Variants in QSOX2 observed in about 807,000 individuals in gnomAD.
QSOX2 encodes the protein quiescin sulfhydryl oxidase 2.
In QSOX2, 46 loss-of-function variants were observed where a neutral mutation model predicts 61.7. The observed-to-expected ratio is 0.75, with a 90% CI of 0.59 to 0.95. The LOEUF (loss-of-function observed/expected upper bound fraction) is 0.95. Ranked by LOEUF, QSOX2 falls within the 40% of genes least tolerant of loss-of-function variation. The pLI is 0.00. For synonymous variants in QSOX2, 383 were observed against 388.4 expected, an observed-to-expected ratio of 0.99 and a Z score of 0.16; for missense variants, 879 against 918.9, an observed-to-expected ratio of 0.96 and a Z score of 0.56.
rs948803685 is a variant in QSOX2 at position 136,222,986 on chromosome 9, G to T, written c.675+777C>A. On this transcript the variant is annotated intron_variant, in intron 5 of 11. Coordinates refer to ENST00000358701, the MANE Select transcript of QSOX2 (RefSeq NM_181701.4). This position sits in a 1 kb window ranked among gnomAD's most constrained non-coding sequence, Gnocchi z 6.9. The stretch of plus-strand genomic sequence containing the variant: ...TCAAACCTGGAGGGGGCGGTGCTGG[G>T]GTGCCAGGAGGGCAGCCAGGGCACA... 6.6e-6 allele frequency among the ~76,000 whole-genome samples: 1 copy of T among 152,238 alleles called. No homozygotes were observed. The highest frequency in any genetic ancestry group is 1.5e-5 in the Non-Finnish European group (1 of 68,038).
chr9:136,224,712 C>G, intron 3 of QSOX2, 149 bp downstream of exon 3: 1 of 503,462 alleles, frequency 2.0e-6, no homozygotes, highest in Middle Eastern at 3.1e-4. Context: ...CTATTAATAT[C>G]TGAACTCTTA....
At position 136,218,760 on chromosome 9, in the gene QSOX2, C is replaced by T. The variant is rs1831945027; in HGVS notation, c.1005G>A (p.Leu335=). 1 of 1,613,552 alleles carries T rather than the reference C, an allele frequency of 6.2e-7. No individual in the cohort carries two copies. The highest frequency in any genetic ancestry group is 1.7e-5 in the Admixed American group (1 of 60,006). ...VDLESGLHYL[L]RVELAAHKSL... ...ACTTGTGGGCTGCCAGCTCCACCCG[C>T]AGGAGGTAGTGTAGCCCTGACTCCA... The change falls in exon 8 of 12, where the codon CTG becomes CTA. Residue 335 remains leucine (L), a synonymous_variant. Coordinates refer to ENST00000358701, the MANE Select transcript of QSOX2 (RefSeq NM_181701.4).
chr9:136,238,342 C>A (rs992736316), intron 1 of QSOX2, among the ~76,000 whole-genome samples: 1 of 152,250 alleles, frequency 6.6e-6, no homozygotes, highest in African/African-American at 2.4e-5. Context: ...CACCTCCCTG[C>A]ACCCTCTCAT....
rs904827650 is a variant in QSOX2, at chr9:136,239,657, G to A, written c.328+5819C>T. Among the ~76,000 whole-genome samples the A allele has an allele frequency of 1.5e-4, 23 of 152,362 alleles. No homozygotes were observed. In the South Asian group the frequency reaches 2.7e-3, roughly 18 times the overall value. On this transcript the variant is annotated intron_variant, in intron 1 of 11. Transcript: ENST00000358701. ...CACCAGTCCGCAGGGGCAGCACCTC[G>A]ACCTGCCTCAGTAGAGCTACGCTCC... is the stretch of plus-strand genomic sequence containing the variant.
intron 1 of QSOX2, among the ~76,000 whole-genome samples, chr9:136,228,637 G>A (rs962445256): frequency 6.6e-6 from 1 of 152,170 alleles, no homozygotes; most frequent in Non-Finnish European, 1.5e-5. Context: ...AGGGCACGCC[G>A]CACCGTGGGA....
In QSOX2 at chr9:136,218,024, T is replaced by G. The variant is rs116698409; in HGVS notation, c.1086+655A>C. On this transcript the variant is annotated intron_variant, in intron 8 of 11. Coordinates refer to ENST00000358701, the MANE Select transcript of QSOX2 (RefSeq NM_181701.4). ...CTTATTTTTGGCAAGATAAATATTT[T>G]AAGCCTAAGCCTTCTTGTCATTTAG... is the stretch of plus-strand genomic sequence containing the variant. Among the ~76,000 whole-genome samples, 1,133 of 152,374 alleles carry G rather than the reference T, an allele frequency of 7.4e-3. 19 individuals are homozygous for G. Among genetic ancestry groups the G allele is most frequent in the African/African-American group, 0.026 (1,072 of 41,590 alleles).
rs1040698169 is a variant in QSOX2 at position 136,221,393 on chromosome 9, A to C, written c.821+403T>G. Among the ~76,000 whole-genome samples, 5 of 152,214 alleles carry C rather than the reference A, an allele frequency of 3.3e-5. No individual in the cohort carries two copies. The highest frequency in any genetic ancestry group is 7.2e-5 in the African/African-American group (3 of 41,460). On this transcript the variant is annotated intron_variant, in intron 6 of 11. Transcript: ENST00000358701. The surrounding 1 kb of genome is among the most constrained non-coding windows in gnomAD (Gnocchi z 4.5). ...TACTTCTCATTCTGCAGAGGTGGGCACGTGGGCTTGTCTGCCAGCCCCAGA... is the reference window on the plus strand; with the variant it reads ...TACTTCTCATTCTGCAGAGGTGGGCCCGTGGGCTTGTCTGCCAGCCCCAGA...
chr9:136,217,230 G>C (rs1199092099), intron 8 of QSOX2, among the ~76,000 whole-genome samples: 1 of 152,242 alleles, frequency 6.6e-6, no homozygotes, highest in Non-Finnish European at 1.5e-5. Context: ...GAGGCTGGCC[G>C]ACATCAACAC....
chr9:136,218,151 G>C (rs1831935685), intron 8 of QSOX2, among the ~76,000 whole-genome samples: 1 of 152,170 alleles, frequency 6.6e-6, no homozygotes, highest in Non-Finnish European at 1.5e-5. Flanking sequence ...GCTCTGTTGG[G>C]TGGCATCTCT....
chr9:136,233,718 CT>C (rs1222100245), intron 1 of QSOX2, among the ~76,000 whole-genome samples: 3 of 152,194 alleles, frequency 2.0e-5, no homozygotes, highest in Non-Finnish European at 4.4e-5. Flanking sequence ...CGTGCAGCAA[CT>C]CAAGAGAACA....
At position 136,219,332 on chromosome 9, in the gene QSOX2, G is replaced by A. The variant is rs117676445; in HGVS notation, c.822-168C>T. 3.6e-3 allele frequency among the ~76,000 whole-genome samples: 555 copies of A among 152,320 alleles called. 1 individual carries two copies. Among genetic ancestry groups the A allele is most frequent in the Non-Finnish European group, 5.8e-3 (394 of 68,022 alleles). On this transcript the variant is annotated intron_variant, in intron 6 of 11. Coordinates refer to ENST00000358701, the MANE Select transcript of QSOX2 (RefSeq NM_181701.4). ...GACACCCCGCCTGGGCTCCGGCTGC[G>A]CTTCCACCTGGGGGATAAGAGGAGA... is the stretch of plus-strand genomic sequence containing the variant.
chr9:136,245,337 G>A, intron 1 of QSOX2, 139 bp downstream of exon 1: 2 of 714,946 alleles, frequency 2.8e-6, no homozygotes, highest in East Asian at 3.1e-5. Flanking sequence ...GTGCCTCTGT[G>A]GGGCAGGGAC....
At position 136,209,990 on chromosome 9, in the gene QSOX2, A is replaced by G. The variant is rs140702731; in HGVS notation, c.1550-715T>C. 1.5e-4 allele frequency: 146 copies of G among 985,270 alleles called. No individual in the cohort carries two copies. In the East Asian group the frequency reaches 2.4e-3, roughly 16 times the overall value. The allele number at this position is 985,270 out of a possible 1,614,324, so 61.0% of individuals were successfully genotyped here. A position where few individuals can be genotyped will look rare whatever the true frequency, so the allele number is the denominator to read the frequency against. On this transcript the variant is annotated intron_variant, in intron 11 of 11. Transcript: ENST00000358701. The surrounding 1 kb of genome is among the most constrained non-coding windows in gnomAD (Gnocchi z 5.6). ...CTTGCTGACACCTGGCCACCCTCACAGAGCTTCCAGAAGTGAATGTAAACA... is the reference window on the plus strand; with the variant it reads ...CTTGCTGACACCTGGCCACCCTCACGGAGCTTCCAGAAGTGAATGTAAACA...
chr9:136,226,185 C>T (rs1564294008), intron 2 of QSOX2, among the ~76,000 whole-genome samples: 1 of 152,238 alleles, frequency 6.6e-6, no homozygotes, highest in Non-Finnish European at 1.5e-5. Flanking sequence ...AAGGCGCCCA[C>T]GTTTCTGGAG....
rs1164781856 is a variant in QSOX2 at position 136,207,823 on chromosome 9, G to A, written c.*905C>T. 1 of 152,240 alleles carries A rather than the reference G, an allele frequency of 6.6e-6. No individual in the cohort carries two copies. The highest frequency in any genetic ancestry group is 2.4e-5 in the African/African-American group (1 of 41,438). 9.4% of individuals were successfully genotyped at this position (152,240 alleles called of 1,614,324 possible). ...GCTCTCCTCCCCATCCCCCAACAGA[G>A]GGGCCTGTGCTCTAAGCACTGCCCG... On this transcript the variant is annotated 3_prime_UTR_variant, in exon 12 of 12. Transcript: ENST00000358701.
intron 1 of QSOX2, among the ~76,000 whole-genome samples, chr9:136,244,031 G>C (rs1296770887): frequency 6.6e-6 from 1 of 151,554 alleles, no homozygotes; most frequent in Non-Finnish European, 1.5e-5. Flanking sequence ...AATCTGGTAC[G>C]ATCTTTAGAC....
In QSOX2 at chr9:136,223,127, A is replaced by G. The variant is rs10512420; in HGVS notation, c.675+636T>C. On this transcript the variant is annotated intron_variant, in intron 5 of 11. Transcript: ENST00000358701. This position sits in a 1 kb window ranked among gnomAD's most constrained non-coding sequence, Gnocchi z 4.4. ...CACCGCAAGGCCCCTCACAGTGGACAGAAAAACAGTCGCCTATCAAGTTGC... is the reference window on the plus strand; with the variant it reads ...CACCGCAAGGCCCCTCACAGTGGACGGAAAAACAGTCGCCTATCAAGTTGC... Among the ~76,000 whole-genome samples, 1,721 of 152,332 alleles carry G rather than the reference A, an allele frequency of 0.011. 29 individuals are homozygous for G. The highest frequency in any genetic ancestry group is 0.038 in the African/African-American group (1,591 of 41,574).
At chr9:136,236,678 G>T (rs1001254026) in intron 1 of QSOX2, among the ~76,000 whole-genome samples, 10 of 152,230 alleles carry the variant, frequency 6.6e-5, no homozygotes, top group African/African-American at 9.6e-5. Flanking sequence ...CCCGTCCTGT[G>T]CCAGCGACAC....
intron 6 of QSOX2, among the ~76,000 whole-genome samples, chr9:136,220,747 G>A (rs1259436928): frequency 1.3e-5 from 2 of 151,950 alleles, no homozygotes; most frequent in African/African-American, 4.8e-5. Context: ...GTCTGACTCT[G>A]TCGCCCAGGC....
Sources: allele counts gnomAD v4.1 joint callset (sites outside exome capture counted in the v4.1 genomes callset), GRCh38; gene constraint gnomAD v4.1.1; non-coding constraint Gnocchi (gnomAD v3.1); transcripts MANE v1.5; gene names NCBI Gene and HGNC (gene_info 2026-07-23, HGNC 2026-07-21).